Variants in ADAMTS12 observed in about 807,000 individuals in gnomAD.
ADAMTS12 encodes ADAM metallopeptidase with thrombospondin type 1 motif 12, also known as A disintegrin and metalloproteinase with thrombospondin motifs 12.
In ADAMTS12, 118 loss-of-function variants were observed where a neutral mutation model predicts 167.8. The observed-to-expected ratio is 0.70, with a 90% confidence interval of 0.61 to 0.82. The LOEUF is 0.82. Among genes scored for constraint, ADAMTS12 ranks in the 40% least tolerant of loss-of-function variants. The pLI is 0.00. For synonymous variants in ADAMTS12, 704 were observed against 716.9 expected (o/e 0.98, Z 0.29); for missense variants, 1,916 against 1,998.8 (o/e 0.96, Z 0.79).
At chr5:33,578,838 C>T (rs554364694) in intron 18 of ADAMTS12, among the ~76,000 whole-genome samples, 5 of 152,254 alleles carry the variant, frequency 3.3e-5, no homozygotes, top group Admixed American at 6.5e-5. Flanking sequence ...GAAGGAGTGT[C>T]GAACTGTGTT....
intron 6 of ADAMTS12, among the ~76,000 whole-genome samples, chr5:33,658,639 T>C (rs537612385): frequency 6.6e-6 from 1 of 152,202 alleles, no homozygotes; most frequent in Non-Finnish European, 1.5e-5. Flanking sequence ...AAAGATTTTA[T>C]TGAAAACTCA....
chr5:33,549,101 A>T, intron 21 of ADAMTS12, 106 bp downstream of exon 21: 1 of 1,379,336 alleles, frequency 7.2e-7, no homozygotes, highest in South Asian at 1.4e-5. Flanking sequence ...AGTCATTGGC[A>T]GGACACAGGT....
intron 2 of ADAMTS12, among the ~76,000 whole-genome samples, chr5:33,774,710 T>C (rs745738139): frequency 6.6e-6 from 1 of 152,226 alleles, no homozygotes; most frequent in Non-Finnish European, 1.5e-5. Context: ...TAATATTTAT[T>C]GCTTTGTACA....
At chr5:33,769,452 G>T (rs1035554892) in intron 2 of ADAMTS12, among the ~76,000 whole-genome samples, 3 of 152,110 alleles carry the variant, frequency 2.0e-5, no homozygotes, top group African/African-American at 7.2e-5. Flanking sequence ...GGGATAAAAA[G>T]AACTAAACTG....
At chr5:33,721,558 C>G (rs748022160) in intron 3 of ADAMTS12, among the ~76,000 whole-genome samples, 7 of 152,288 alleles carry the variant, frequency 4.6e-5, no homozygotes, top group African/African-American at 1.7e-4. Flanking sequence ...GGATTGCCAC[C>G]TGCAAAATTA....
chr5:33,815,404 A>C (rs1048998334), intron 2 of ADAMTS12, among the ~76,000 whole-genome samples: 24 of 152,222 alleles, frequency 1.6e-4, no homozygotes, highest in African/African-American at 5.8e-4. Flanking sequence ...GAGACAGCAG[A>C]GTTTCCTCCC....
At chr5:33,842,626 C>T (rs1449660812) in intron 2 of ADAMTS12, among the ~76,000 whole-genome samples, 3 of 152,136 alleles carry the variant, frequency 2.0e-5, no homozygotes, top group Non-Finnish European at 2.9e-5. Flanking sequence ...ATTGAGGAAA[C>T]GCAAGGGGCA....
intron 12 of ADAMTS12, among the ~76,000 whole-genome samples, chr5:33,635,555 T>C (rs1740148579): frequency 6.6e-6 from 1 of 152,162 alleles, no homozygotes. Flanking sequence ...CTTGTGGAGA[T>C]AAAATTAGGA....
At chr5:33,574,370 G>A (rs1230710528) in intron 19 of ADAMTS12, among the ~76,000 whole-genome samples, 1 of 151,890 alleles carries the variant, frequency 6.6e-6, no homozygotes, top group Non-Finnish European at 1.5e-5. Context: ...ATGATAGATC[G>A]GATTAAGAAA....
intron 3 of ADAMTS12, among the ~76,000 whole-genome samples, chr5:33,743,431 T>C (rs1396037960): frequency 6.6e-6 from 1 of 152,218 alleles, no homozygotes; most frequent in Non-Finnish European, 1.5e-5. Context: ...TTTGCTAGGA[T>C]TGCTGTGGCC....
At chr5:33,869,055 C>A (rs1193517043) in intron 2 of ADAMTS12, among the ~76,000 whole-genome samples, 1 of 152,134 alleles carries the variant, frequency 6.6e-6, no homozygotes, top group Non-Finnish European at 1.5e-5. Context: ...GAGGAAAGTG[C>A]CTCAAAAGCA....
At chr5:33,884,489 A>G (rs1296425563) in intron 1 of ADAMTS12, among the ~76,000 whole-genome samples, 1 of 152,176 alleles carries the variant, frequency 6.6e-6, no homozygotes, top group African/African-American at 2.4e-5. Context: ...CTAAAATGCT[A>G]GTGCCCATGC....
At chr5:33,602,654 T>C (rs753002078) in intron 16 of ADAMTS12, among the ~76,000 whole-genome samples, 2 of 152,180 alleles carry the variant, frequency 1.3e-5, no homozygotes, top group Non-Finnish European at 2.9e-5. Flanking sequence ...CAGTATATGG[T>C]CACAAATCAG....
At chr5:33,725,851 C>G (rs10066561) in intron 3 of ADAMTS12, among the ~76,000 whole-genome samples, 21,910 of 152,182 alleles carry the variant, frequency 0.14, 2,384 homozygotes, top group East Asian at 0.54. Flanking sequence ...CCACTCAAGG[C>G]TGATTAAACC....
intron 22 of ADAMTS12, among the ~76,000 whole-genome samples, chr5:33,536,626 C>T (rs974212439): frequency 6.6e-6 from 1 of 151,704 alleles, no homozygotes; most frequent in African/African-American, 2.4e-5. Flanking sequence ...ATTCCAAAGG[C>T]TGGCCTGGTA....
Position 33,630,890 on chromosome 5 carries a change from G to A in ADAMTS12, c.1912C>T (p.Arg638Ter), listed in dbSNP as rs747713390. 63 of 1,613,360 alleles carry A rather than the reference G, an allele frequency of 3.9e-5. No individual in the cohort carries two copies. Among genetic ancestry groups the A allele is most frequent in the Non-Finnish European group, 4.8e-5 (57 of 1,179,588 alleles). The change falls in exon 13 of 24, where the codon CGA (arginine) becomes TGA (stop). Residue 638 changes from arginine (R) to a stop codon, truncating the protein, a stop_gained. Transcript: ENST00000504830. LOFTEE classifies it high-confidence loss of function. The part of the protein sequence containing the change: ...NPAHPCELYC[R>*]PIDGQFSEKM... ...TCAGAAAACTGGCCATCTATGGGTC[G>A]GCAGTAGAGCTCACAAGGATGTGCT... is the stretch of plus-strand genomic sequence containing the variant.
intron 2 of ADAMTS12, among the ~76,000 whole-genome samples, chr5:33,872,907 T>C (rs1028966117): frequency 6.6e-6 from 1 of 152,164 alleles, no homozygotes; most frequent in South Asian, 2.1e-4. Flanking sequence ...CCATTTATGA[T>C]AAAATATCTC....
At chr5:33,835,718 A>T (rs1419854259) in intron 2 of ADAMTS12, among the ~76,000 whole-genome samples, 5 of 152,140 alleles carry the variant, frequency 3.3e-5, no homozygotes, top group Admixed American at 3.3e-4. Flanking sequence ...GGGGGTAAGG[A>T]TTTTAACATA....
intron 3 of ADAMTS12, among the ~76,000 whole-genome samples, chr5:33,737,572 T>C (rs1744417383): frequency 1.3e-5 from 2 of 152,368 alleles, no homozygotes; most frequent in South Asian, 2.1e-4. Context: ...TGTTGTGTTA[T>C]ATGTATTTTA....
Sources: allele counts gnomAD v4.1 joint callset (sites outside exome capture counted in the v4.1 genomes callset), GRCh38; gene constraint gnomAD v4.1.1; transcripts MANE v1.5; gene names NCBI Gene and HGNC (gene_info 2026-07-23, HGNC 2026-07-21).